PLD5: variants seen among roughly 807,000 people sequenced by gnomAD.
The protein encoded by PLD5 is phospholipase D family member 5, also known as inactive phospholipase D5.
PLD5 carries 36 observed loss-of-function variants against 61.1 expected under a neutral mutation model. That is an observed-to-expected ratio of 0.59 (90% CI 0.45 to 0.78). PLD5 has a LOEUF of 0.78. Among genes scored for constraint, PLD5 ranks in the 30% least tolerant of loss-of-function variants. The probability of loss-of-function intolerance (pLI) is 0.00; values close to 1 mark genes in which losing one functional copy is unlikely to be tolerated. For synonymous variants in PLD5, 243 were observed against 242.8 expected (o/e 1.00, Z -0.01); for missense variants, 515 against 644.4 (o/e 0.80, Z 2.17).
At chr1:242,227,777 T>G (rs891281195) in intron 4 of PLD5, among the ~76,000 whole-genome samples, 2 of 152,204 alleles carry the variant, frequency 1.3e-5, no homozygotes, top group Admixed American at 1.3e-4. Flanking sequence ...GTCTGTTACA[T>G]GCTTTTTAGG....
chr1:242,459,045 G>A (rs754619179), intron 1 of PLD5, among the ~76,000 whole-genome samples: 7 of 152,036 alleles, frequency 4.6e-5, no homozygotes, highest in African/African-American at 7.2e-5. Context: ...AATTCTACTC[G>A]GATGTGGAAT....
intron 2 of PLD5, among the ~76,000 whole-genome samples, chr1:242,323,356 G>C (rs1428745589): frequency 1.3e-5 from 2 of 152,050 alleles, no homozygotes; most frequent in Non-Finnish European, 2.9e-5. Context: ...CCTCCCTTTA[G>C]GTAACTGTTT....
intron 1 of PLD5, among the ~76,000 whole-genome samples, chr1:242,417,676 C>A (rs1271341623): frequency 2.0e-5 from 3 of 152,212 alleles, no homozygotes; most frequent in Non-Finnish European, 4.4e-5. Flanking sequence ...CAAGAGCCCT[C>A]CAGGGCTAAG....
At chr1:242,185,324 G>A (rs561955463) in intron 5 of PLD5, among the ~76,000 whole-genome samples, 1 of 152,304 alleles carries the variant, frequency 6.6e-6, no homozygotes, top group East Asian at 1.9e-4. Flanking sequence ...CAGTAAGGGA[G>A]AAAGAGTGGG....
chr1:242,204,243 C>CAA lies in PLD5; in HGVS notation c.735+15743_735+15744dup, dbSNP rs36058585. 7.6e-4 allele frequency among the ~76,000 whole-genome samples: 97 copies of CAA among 128,434 alleles called. 1 individual carries two copies. The highest frequency in any genetic ancestry group is 2.5e-3 in the African/African-American group (93 of 36,664). 84.3% of individuals were successfully genotyped at this position (128,434 alleles called of 152,430 possible). A position where few individuals can be genotyped will look rare whatever the true frequency, so the allele number is the denominator to read the frequency against. On this transcript the variant is annotated intron_variant, in intron 5 of 9. Coordinates refer to ENST00000536534, the MANE Select transcript of PLD5 (RefSeq NM_001372062.1). Reference sequence around the variant, plus strand: ...GGGCGACAGAGCGAGACTCTTGTCTCAAAAAAAAAAAAAAATTTTAGGCAC... The same window carrying CAA: ...GGGCGACAGAGCGAGACTCTTGTCTCAAAAAAAAAAAAAAAAATTTTAGGCAC...
chr1:242,431,469 C>G (rs150591160), intron 1 of PLD5, among the ~76,000 whole-genome samples: 307 of 152,318 alleles, frequency 2.0e-3, no homozygotes, highest in Non-Finnish European at 3.3e-3. Flanking sequence ...CTAAGCTCTT[C>G]CTATTTCACT....
intron 1 of PLD5, among the ~76,000 whole-genome samples, chr1:242,437,835 C>G (rs2810027): frequency 0.6 from 91,646 of 151,698 alleles, 28,792 homozygotes; most frequent in African/African-American, 0.79. Flanking sequence ...CTGAGGCACA[C>G]AGAAGTTAAG....
intron 4 of PLD5, among the ~76,000 whole-genome samples, chr1:242,240,270 T>A (rs1381635823): frequency 6.6e-6 from 1 of 152,170 alleles, no homozygotes; most frequent in Non-Finnish European, 1.5e-5. Context: ...TGGCATAGAG[T>A]CAGCCTCCAA....
At chr1:242,392,550 C>T (rs761302788) in intron 1 of PLD5, among the ~76,000 whole-genome samples, 14 of 152,310 alleles carry the variant, frequency 9.2e-5, no homozygotes, top group African/African-American at 2.9e-4. Flanking sequence ...AGTGAGAATC[C>T]GGTTTCCCAT....
chr1:242,289,933 A>T (rs1675262974), intron 2 of PLD5, among the ~76,000 whole-genome samples: 1 of 150,026 alleles, frequency 6.7e-6, no homozygotes, highest in Admixed American at 6.7e-5. Flanking sequence ...CCAAAATATT[A>T]TAACCAGAAT....
In PLD5 at chr1:242,247,030, C is replaced by A. The variant is rs537672193; in HGVS notation, c.607+18307G>T. Among the ~76,000 whole-genome samples, 17 of 147,138 alleles carry A rather than the reference C, an allele frequency of 1.2e-4. No homozygotes were observed. In the East Asian group the frequency reaches 1.2e-3, roughly 10 times the overall value. On this transcript the variant is annotated intron_variant, in intron 4 of 9. Coordinates refer to ENST00000536534, the MANE Select transcript of PLD5 (RefSeq NM_001372062.1). The stretch of plus-strand genomic sequence containing the variant: ...ACGGAGTTTCGCTCTGTCGCCCAGG[C>A]TGGAGTGCAGTGGCGCGATCTCGAC...
intron 1 of PLD5, among the ~76,000 whole-genome samples, chr1:242,440,122 G>A (rs1400407064): frequency 6.6e-6 from 1 of 152,200 alleles, no homozygotes; most frequent in African/African-American, 2.4e-5. Context: ...CAGGCAGAAG[G>A]AGTTACAGGA....
chr1:242,142,092 G>A (rs1664214254), intron 5 of PLD5, among the ~76,000 whole-genome samples: 1 of 152,164 alleles, frequency 6.6e-6, no homozygotes. Flanking sequence ...TGCCAGCTGG[G>A]ATCTATGACA....
intron 5 of PLD5, among the ~76,000 whole-genome samples, chr1:242,213,948 C>T (rs2148991244): frequency 6.6e-6 from 1 of 151,822 alleles, no homozygotes; most frequent in Non-Finnish European, 1.5e-5. Flanking sequence ...AGGTTGCAGA[C>T]AATGTTGTCA....
rs1669525683 is a variant in PLD5, at chr1:242,207,932, TTATATATTTA to T, written c.735+12046_735+12055del. Among the ~76,000 whole-genome samples the T allele has an allele frequency of 6.5e-5, 2 of 30,834 alleles. 1 individual carries two copies. The highest frequency in any genetic ancestry group is 3.6e-4 in the African/African-American group (2 of 5,508). The allele number at this position is 30,834 out of a possible 152,430, so 20.2% of individuals were successfully genotyped here. A position where few individuals can be genotyped will look rare whatever the true frequency, so the allele number is the denominator to read the frequency against. On this transcript the variant is annotated intron_variant, in intron 5 of 9. Coordinates refer to ENST00000536534, the MANE Select transcript of PLD5 (RefSeq NM_001372062.1). ...TATATATTTATATATTTATATATATTTATATATTTATATATATTTATTTATATATATTTAT... is the reference window on the plus strand; with the variant it reads ...TATATATTTATATATTTATATATATTTATATATTTATTTATATATATTTAT...
chr1:242,239,455 A>G (rs770497949), intron 4 of PLD5, among the ~76,000 whole-genome samples: 7 of 152,222 alleles, frequency 4.6e-5, no homozygotes, highest in Non-Finnish European at 8.8e-5. Flanking sequence ...AACCATCGGA[A>G]TTATCAAAGA....
At chr1:242,351,440 C>G (rs10926695) in intron 1 of PLD5, among the ~76,000 whole-genome samples, 15,254 of 152,026 alleles carry the variant, frequency 0.1, 938 homozygotes, top group African/African-American at 0.17. Flanking sequence ...TCATGGGGGT[C>G]GGTTTTTCCC....
chr1:242,520,418 A>G (rs987249989), intron 1 of PLD5, among the ~76,000 whole-genome samples: 2 of 152,274 alleles, frequency 1.3e-5, no homozygotes, highest in Non-Finnish European at 2.9e-5. Context: ...CAAACCAGCG[A>G]CTTCTCTAAG....
chr1:242,204,464 GT>G, intron 5 of PLD5, among the ~76,000 whole-genome samples: 1 of 152,138 alleles, frequency 6.6e-6, no homozygotes, highest in Non-Finnish European at 1.5e-5. Flanking sequence ...CCACCTTGCT[GT>G]ACTGCTGACC....
Sources: gnomAD v4.1 joint callset for allele counts (sites outside exome capture counted in the v4.1 genomes callset) on GRCh38, gnomAD v4.1.1 for gene constraint, MANE v1.5 for transcripts, NCBI Gene and HGNC (gene_info 2026-07-23, HGNC 2026-07-21) for gene names.